Variants in RPS6KA2 observed in about 807,000 individuals in gnomAD.
RPS6KA2 encodes the protein ribosomal protein S6 kinase alpha-2.
Under a neutral mutation model 91.8 loss-of-function variants are expected in RPS6KA2, and 42 were observed. The observed-to-expected ratio is 0.46, with a 90% CI of 0.36 to 0.59. The LOEUF is 0.59. Ranked by LOEUF, RPS6KA2 falls within the 20% of genes least tolerant of loss-of-function variation. The pLI is 0.00. For synonymous variants in RPS6KA2, 414 were observed against 393.6 expected, an observed-to-expected ratio of 1.05 and a Z score of -0.61; for missense variants, 798 against 978.5, an observed-to-expected ratio of 0.82 and a Z score of 2.46.
intron 2 of RPS6KA2, chr6:166,702,705 TG>T: frequency 7.5e-7 from 1 of 1,332,786 alleles, no homozygotes; most frequent in Non-Finnish European, 1.1e-6. Context: ...AGATCTCGTC[TG>T]GGCAGTCCAC....
chr6:166,530,672 A>G (rs1783240907), intron 3 of RPS6KA2, among the ~76,000 whole-genome samples: 2 of 152,240 alleles, frequency 1.3e-5, no homozygotes. Context: ...GTGCCCAGCT[A>G]GTGACGGGCT....
chr6:166,427,461 G>T (rs1457504804), intron 16 of RPS6KA2, among the ~76,000 whole-genome samples: 1 of 151,668 alleles, frequency 6.6e-6, no homozygotes. Flanking sequence ...GGGCAATTAG[G>T]CAGGAGAAGG....
rs3799642 is a variant in RPS6KA2 at position 166,540,137 on chromosome 6, C to T, written c.100-1353G>A. On this transcript the variant is annotated intron_variant, in intron 1 of 20. Coordinates refer to ENST00000265678, the MANE Select transcript of RPS6KA2 (RefSeq NM_021135.6). ...TGGGCTTCTCATCAAGGACTGACTTCGAAGCCAAGTACTTCCACCCTCTGT... is the reference window on the plus strand; with the variant it reads ...TGGGCTTCTCATCAAGGACTGACTTTGAAGCCAAGTACTTCCACCCTCTGT... Among the ~76,000 whole-genome samples, 95 of 152,312 alleles carry T rather than the reference C, an allele frequency of 6.2e-4. 5 individuals are homozygous for T. In the East Asian group the frequency reaches 0.015, roughly 25 times the overall value.
intron 2 of RPS6KA2, among the ~76,000 whole-genome samples, chr6:166,532,844 A>AGT (rs369394546): frequency 0.046 from 6,923 of 149,536 alleles, 307 homozygotes; most frequent in African/African-American, 0.12. Context: ...AGAGAGAGAG[A>AGT]GTGTGTGTGT....
intron 2 of RPS6KA2, chr6:166,858,150 G>T: frequency 9.1e-7 from 1 of 1,101,556 alleles, no homozygotes; most frequent in Non-Finnish European, 1.4e-6. Context: ...CCACCTTCTG[G>T]GCCCAATCTC....
rs142290455 is a variant in RPS6KA2, at chr6:166,440,570, T to C, written c.1333-8080A>G. ...AGAATCATCTGAATCATCAGAATTGTCTATTTTGGAAAAATTGGATTCATC... is the reference window on the plus strand; with the variant it reads ...AGAATCATCTGAATCATCAGAATTGCCTATTTTGGAAAAATTGGATTCATC... On this transcript the variant is annotated intron_variant, in intron 14 of 20. Coordinates refer to ENST00000265678, the MANE Select transcript of RPS6KA2 (RefSeq NM_021135.6). Among the ~76,000 whole-genome samples the C allele has an allele frequency of 5.9e-3, 899 of 152,354 alleles. 13 individuals carry two copies. The highest frequency in any genetic ancestry group is 0.02 in the African/African-American group (843 of 41,580).
At chr6:166,644,521 C>T (rs1247222597) in intron 2 of RPS6KA2, among the ~76,000 whole-genome samples, 1 of 152,200 alleles carries the variant, frequency 6.6e-6, no homozygotes, top group Non-Finnish European at 1.5e-5. Flanking sequence ...GGAGCAACTG[C>T]TTTAGCTAAA....
chr6:166,763,328 G>A (rs1259740603), intron 2 of RPS6KA2, among the ~76,000 whole-genome samples: 1 of 152,184 alleles, frequency 6.6e-6, no homozygotes, highest in Non-Finnish European at 1.5e-5. Context: ...TTTGATTTCA[G>A]CAAATGTCTG....
chr6:166,637,160 G>A (rs567020021), intron 2 of RPS6KA2, among the ~76,000 whole-genome samples: 2 of 152,342 alleles, frequency 1.3e-5, no homozygotes, highest in African/African-American at 2.4e-5. Flanking sequence ...GCTTAGGTCT[G>A]GCTTCCACTG....
intron 1 of RPS6KA2, among the ~76,000 whole-genome samples, chr6:166,579,986 G>C (rs1371528278): frequency 6.6e-6 from 1 of 152,218 alleles, no homozygotes; most frequent in Non-Finnish European, 1.5e-5. Flanking sequence ...GCGACCTTTA[G>C]AATCACGGCA....
intron 2 of RPS6KA2, among the ~76,000 whole-genome samples, chr6:166,531,625 AGGAGTTTT>A (rs1253381499): frequency 6.6e-6 from 1 of 152,234 alleles, no homozygotes; most frequent in African/African-American, 2.4e-5. Flanking sequence ...AAAAACAAAC[AGGAGTTTT>A]AAGGGAGATC....
chr6:166,714,704 G>T (rs989243337), intron 2 of RPS6KA2, among the ~76,000 whole-genome samples: 1 of 152,206 alleles, frequency 6.6e-6, no homozygotes, highest in Non-Finnish European at 1.5e-5. Context: ...CCTGGAACAG[G>T]CTGTCCCTCC....
At chr6:166,475,152 GC>G in intron 10 of RPS6KA2, among the ~76,000 whole-genome samples, 1 of 140,150 alleles carries the variant, frequency 7.1e-6, no homozygotes, top group East Asian at 2.1e-4. Flanking sequence ...CGTGGGATGT[GC>G]CCCAGCCTGT....
chr6:166,614,080 C>T (rs1034272899), intron 1 of RPS6KA2, among the ~76,000 whole-genome samples: 1 of 152,248 alleles, frequency 6.6e-6, no homozygotes, highest in Non-Finnish European at 1.5e-5. Context: ...GCCCCACACC[C>T]TCTAGGGGCC....
chr6:166,727,646 A>G (rs998242255), intron 2 of RPS6KA2, among the ~76,000 whole-genome samples: 1 of 151,676 alleles, frequency 6.6e-6, no homozygotes, highest in Non-Finnish European at 1.5e-5. Context: ...CATCCTGAAC[A>G]CCCTCAGGTA....
intron 2 of RPS6KA2, among the ~76,000 whole-genome samples, chr6:166,717,059 CAT>C (rs1187869387): frequency 1.3e-5 from 2 of 152,268 alleles, no homozygotes; most frequent in East Asian, 3.9e-4. Flanking sequence ...TGCTGGGACA[CAT>C]GTGGGAGGGA....
intron 2 of RPS6KA2, chr6:166,701,224 A>G: frequency 6.2e-7 from 1 of 1,612,152 alleles, no homozygotes; most frequent in Non-Finnish European, 8.5e-7. Flanking sequence ...AGTTATTTTG[A>G]CAACCACTTG....
intron 2 of RPS6KA2, among the ~76,000 whole-genome samples, chr6:166,802,536 C>T (rs567413217): frequency 5.4e-4 from 82 of 152,268 alleles, no homozygotes; most frequent in Middle Eastern, 3.4e-3. Context: ...CTTTGCTGCA[C>T]GACCGTCTGC....
At chr6:166,516,732 G>A (rs1040260719) in intron 3 of RPS6KA2, among the ~76,000 whole-genome samples, 3 of 152,190 alleles carry the variant, frequency 2.0e-5, no homozygotes, top group Non-Finnish European at 4.4e-5. Context: ...GCTCGGCAGG[G>A]CCCACGGGAG....
Sources: allele counts gnomAD v4.1 joint callset (sites outside exome capture counted in the v4.1 genomes callset), GRCh38; gene constraint gnomAD v4.1.1; transcripts MANE v1.5; gene names NCBI Gene and HGNC (gene_info 2026-07-23, HGNC 2026-07-21).